NTN1: variants seen among roughly 807,000 people sequenced by gnomAD.
NTN1 encodes the protein netrin 1, also known as netrin-1.
In NTN1, 11 loss-of-function variants were observed where a neutral mutation model predicts 54.2. The observed-to-expected ratio is 0.20, with a 90% CI of 0.13 to 0.34. The LOEUF is 0.34. Among genes scored for constraint, NTN1 ranks in the 10% least tolerant of loss-of-function variants. NTN1 has a pLI of 1.00. For missense variants in NTN1, 740 were observed against 893.1 expected, an observed-to-expected ratio of 0.83 and a Z score of 2.18; for synonymous variants, 371 against 382.0, an observed-to-expected ratio of 0.97 and a Z score of 0.33.
chr17:9,127,375 G>A (rs756456001), intron 2 of NTN1, among the ~76,000 whole-genome samples: 4 of 152,130 alleles, frequency 2.6e-5, no homozygotes, highest in Non-Finnish European at 5.9e-5. Context: ...AAGAAGGAAA[G>A]CAATGACCCG....
At chr17:9,108,818 C>G (rs779118504) in intron 2 of NTN1, among the ~76,000 whole-genome samples, 1 of 152,178 alleles carries the variant, frequency 6.6e-6, no homozygotes, top group Non-Finnish European at 1.5e-5. Context: ...ACAGTATTCT[C>G]CTTCACAGGA....
At chr17:9,192,234 A>G (rs1904482630) in intron 5 of NTN1, among the ~76,000 whole-genome samples, 1 of 152,250 alleles carries the variant, frequency 6.6e-6, no homozygotes, top group Admixed American at 6.5e-5. Context: ...TGAATATTGC[A>G]GCATTGCTTA....
At chr17:9,027,857 G>A (rs1188905945) in intron 2 of NTN1, among the ~76,000 whole-genome samples, 1 of 152,132 alleles carries the variant, frequency 6.6e-6, no homozygotes, top group Non-Finnish European at 1.5e-5. Context: ...TTCAGGGCCT[G>A]TAGTCTCTTT....
intron 2 of NTN1, among the ~76,000 whole-genome samples, chr17:9,140,148 C>T (rs530694784): frequency 1.3e-5 from 2 of 151,568 alleles, no homozygotes; most frequent in East Asian, 3.9e-4. Context: ...AGCCAGCATA[C>T]ATACACTCCT....
At chr17:9,156,325 G>A (rs2142293352) in intron 2 of NTN1, among the ~76,000 whole-genome samples, 1 of 151,916 alleles carries the variant, frequency 6.6e-6, no homozygotes, top group Middle Eastern at 3.4e-3. Flanking sequence ...GGAAGGAGAA[G>A]ACATGGTGAT....
chr17:9,101,321 A>G, intron 2 of NTN1, among the ~76,000 whole-genome samples: 1 of 126,432 alleles, frequency 7.9e-6, no homozygotes, highest in Admixed American at 7.9e-5. Flanking sequence ...TGAGACTCTT[A>G]AACAAGACCA....
chr17:9,035,764 A>G (rs1377948301), intron 2 of NTN1, among the ~76,000 whole-genome samples: 5 of 152,222 alleles, frequency 3.3e-5, no homozygotes, highest in Non-Finnish European at 2.9e-5. Context: ...GATCATGCCT[A>G]TCATCCCAGC....
chr17:9,007,603 T>G, the NTN1 span, among the ~76,000 whole-genome samples: 1 of 147,512 alleles, frequency 6.8e-6, no homozygotes. Flanking sequence ...CCTACCTTCC[T>G]TCCTTCCTTC....
At chr17:9,159,026 A>G (rs2092350724) in intron 2 of NTN1, among the ~76,000 whole-genome samples, 1 of 152,226 alleles carries the variant, frequency 6.6e-6, no homozygotes, top group African/African-American at 2.4e-5. Context: ...GAGCACTTAA[A>G]GAAGCTTGTC....
chr17:9,239,756 C>A lies in NTN1; in HGVS notation c.1603C>A (p.Leu535Met), dbSNP rs1906121049. Residue 535 changes from leucine (L) to methionine (M), a missense_variant, in exon 7 of 7, where the codon CTG (leucine) becomes ATG (methionine). Leu to Met is a conservative substitution (Grantham distance 15, BLOSUM62 2). Transcript: ENST00000173229. This position sits in a 1 kb window ranked among gnomAD's most constrained non-coding sequence, Gnocchi z 5.2. ...TSRIRRGDQS[L>M]WIRSRDIACK... ...CCGCATCCGCCGCGGTGACCAGAGC[C>A]TGTGGATCCGCTCGCGGGACATCGC... 1 of 1,613,728 alleles carries A rather than the reference C, an allele frequency of 6.2e-7. No homozygotes were observed. The highest frequency in any genetic ancestry group is 1.3e-5 in the African/African-American group (1 of 74,948).
chr17:9,172,383 G>C (rs2092389378), intron 3 of NTN1, among the ~76,000 whole-genome samples: 1 of 152,120 alleles, frequency 6.6e-6, no homozygotes, highest in South Asian at 2.1e-4. Context: ...GGGAGGCTGA[G>C]GTAGGAGAAT....
At chr17:9,023,975 AG>A (rs1384011017) in intron 2 of NTN1, among the ~76,000 whole-genome samples, 1 of 152,276 alleles carries the variant, frequency 6.6e-6, no homozygotes, top group East Asian at 1.9e-4. Flanking sequence ...TGTTAGCAAA[AG>A]AAGAATGATG....
At chr17:9,025,861 A>G (rs2091868932) in intron 2 of NTN1, among the ~76,000 whole-genome samples, 1 of 152,238 alleles carries the variant, frequency 6.6e-6, no homozygotes, top group African/African-American at 2.4e-5. Context: ...TGTGCTAGGA[A>G]AAAGCATTAA....
intron 6 of NTN1, among the ~76,000 whole-genome samples, chr17:9,225,984 G>A (rs988624607): frequency 1.3e-5 from 2 of 152,184 alleles, no homozygotes; most frequent in South Asian, 2.1e-4. Flanking sequence ...CTGGGGCTCC[G>A]CGGACCTGGG....
intron 5 of NTN1, among the ~76,000 whole-genome samples, chr17:9,213,648 C>T (rs1397224569): frequency 6.6e-6 from 1 of 152,196 alleles, no homozygotes; most frequent in East Asian, 1.9e-4. Context: ...TTTAAAGTTG[C>T]AAAATGGTCC....
chr17:9,179,372 G>T (rs2092411060), intron 3 of NTN1, among the ~76,000 whole-genome samples: 1 of 152,174 alleles, frequency 6.6e-6, no homozygotes, highest in African/African-American at 2.4e-5. Flanking sequence ...CCCTGGGTTG[G>T]CAAGAAAACT....
intron 2 of NTN1, among the ~76,000 whole-genome samples, chr17:9,081,025 C>T (rs921397546): frequency 2.0e-5 from 3 of 152,164 alleles, no homozygotes; most frequent in African/African-American, 4.8e-5. Context: ...TCTAGGGAAC[C>T]TTGACTTATA....
At chr17:9,159,584 G>A (rs1478899647) in intron 2 of NTN1, among the ~76,000 whole-genome samples, 4 of 152,064 alleles carry the variant, frequency 2.6e-5, no homozygotes, top group South Asian at 2.1e-4. Context: ...GGTGGATCAC[G>A]AGGTCAGGAG....
chr17:9,237,224 T>C (rs1478224396), intron 6 of NTN1, among the ~76,000 whole-genome samples: 2 of 152,164 alleles, frequency 1.3e-5, no homozygotes, highest in Admixed American at 6.5e-5. Context: ...TCGGTAGGGT[T>C]GCTTTCCTCC....
Sources: gnomAD v4.1 joint callset for allele counts (sites outside exome capture counted in the v4.1 genomes callset) on GRCh38, gnomAD v4.1.1 for gene constraint, Gnocchi (gnomAD v3.1) non-coding constraint, MANE v1.5 for transcripts, NCBI Gene and HGNC (gene_info 2026-07-23, HGNC 2026-07-21) for gene names.